KAZN: variants seen among roughly 807,000 people sequenced by gnomAD.
KAZN encodes the protein kazrin.
In KAZN, 40 loss-of-function variants were observed where a neutral mutation model predicts 87.4. The ratio of observed to expected loss-of-function variants is 0.46; its 90% CI spans 0.36 to 0.60. The LOEUF (loss-of-function observed/expected upper bound fraction) is 0.60, where lower values mean the gene tolerates loss of function less well. Ranked by LOEUF, KAZN falls within the 20% of genes least tolerant of loss-of-function variation. The pLI, the probability that KAZN is intolerant of heterozygous loss-of-function variation, is 0.00. For missense variants in KAZN, 898 were observed against 1,073.9 expected (o/e 0.84, Z 2.29); for synonymous variants, 466 against 458.3 (o/e 1.02, Z -0.22).
At chr1:14,811,601 T>C (rs951992289) in intron 1 of KAZN, among the ~76,000 whole-genome samples, 2 of 152,246 alleles carry the variant, frequency 1.3e-5, no homozygotes, top group African/African-American at 4.8e-5. Flanking sequence ...ATTTACTCTC[T>C]TACAACCTTC....
At chr1:14,853,696 G>A (rs915116760) in intron 1 of KAZN, among the ~76,000 whole-genome samples, 3 of 152,182 alleles carry the variant, frequency 2.0e-5, no homozygotes, top group Non-Finnish European at 4.4e-5. Context: ...CTCCAGCTGT[G>A]TCTCTTGGCC....
intron 2 of KAZN, among the ~76,000 whole-genome samples, chr1:14,354,286 A>ATC (rs1030045162): frequency 2.0e-5 from 3 of 152,320 alleles, no homozygotes; most frequent in African/African-American, 7.2e-5. Flanking sequence ...TTCCTTAGAG[A>ATC]GGATGCAGAA....
chr1:14,604,548 G>A (rs753362246), intron 1 of KAZN, among the ~76,000 whole-genome samples: 3 of 152,188 alleles, frequency 2.0e-5, no homozygotes, highest in African/African-American at 2.4e-5. Context: ...TGGTGGAGGC[G>A]AGGTTGTGCT....
chr1:14,447,384 G>A (rs1211677707), intron 2 of KAZN, among the ~76,000 whole-genome samples: 7 of 151,550 alleles, frequency 4.6e-5, no homozygotes, highest in South Asian at 4.2e-4. Context: ...GACTACAGGC[G>A]CCTGCCACCA....
chr1:13,893,403 C>T (rs1638912304), exon 1 of KAZN: 1 of 388,536 alleles, frequency 2.6e-6, no homozygotes, highest in Non-Finnish European at 4.4e-6. Context: ...TTAGATTTTT[C>T]TTTTGCATGG....
intron 2 of KAZN, among the ~76,000 whole-genome samples, chr1:14,247,024 T>C (rs1452648186): frequency 6.6e-6 from 1 of 152,190 alleles, no homozygotes; most frequent in Non-Finnish European, 1.5e-5. Flanking sequence ...TCCAATTTTG[T>C]TCACATCCTT....
intron 1 of KAZN, among the ~76,000 whole-genome samples, chr1:14,129,018 C>T (rs1238762777): frequency 6.6e-6 from 1 of 152,158 alleles, no homozygotes; most frequent in Non-Finnish European, 1.5e-5. Flanking sequence ...TGCATTTGTT[C>T]TCTAATTATT....
chr1:15,098,913 C>T (rs1483129272), intron 10 of KAZN, among the ~76,000 whole-genome samples: 1 of 152,244 alleles, frequency 6.6e-6, no homozygotes, highest in Non-Finnish European at 1.5e-5. Context: ...AGCCACACCC[C>T]ACCCTGCCCC....
intron 1 of KAZN, among the ~76,000 whole-genome samples, chr1:14,879,574 T>G (rs1266776909): frequency 6.6e-6 from 1 of 152,190 alleles, no homozygotes; most frequent in Non-Finnish European, 1.5e-5. Flanking sequence ...TGTTTGGCTC[T>G]GATTTCAGGA....
chr1:14,030,171 T>C (rs1022260554), intron 1 of KAZN, among the ~76,000 whole-genome samples: 4 of 149,542 alleles, frequency 2.7e-5, no homozygotes, highest in African/African-American at 4.9e-5. Context: ...TTTGTAGTTC[T>C]CCTTGAAGAG....
At chr1:14,672,376 T>C (rs6701296) in intron 1 of KAZN, among the ~76,000 whole-genome samples, 72,244 of 152,042 alleles carry the variant, frequency 0.48, 17,356 homozygotes, top group South Asian at 0.58. Flanking sequence ...GTGGACAGGT[T>C]GTTGTTGCAT....
At chr1:14,765,472 C>A (rs955683021) in intron 1 of KAZN, among the ~76,000 whole-genome samples, 1 of 152,182 alleles carries the variant, frequency 6.6e-6, no homozygotes, top group African/African-American at 2.4e-5. Context: ...AGAACTTGCC[C>A]CTCAGAGGTG....
chr1:14,555,175 CA>C (rs1673786694), intron 2 of KAZN, among the ~76,000 whole-genome samples: 2 of 152,184 alleles, frequency 1.3e-5, no homozygotes, highest in Non-Finnish European at 2.9e-5. Flanking sequence ...AGTGGGGACA[CA>C]GAGCTTGCAT....
At chr1:13,915,214 G>T (rs1187868350) in intron 1 of KAZN, among the ~76,000 whole-genome samples, 1 of 152,278 alleles carries the variant, frequency 6.6e-6, no homozygotes, top group Admixed American at 6.5e-5. Flanking sequence ...AGCAGGGAGG[G>T]TTTTCTTATG....
In KAZN at chr1:15,065,680, G is replaced by A. The variant is rs754099228; in HGVS notation, c.1149G>A (p.Met383Ile). Residue 383 changes from methionine (M) to isoleucine (I), a missense_variant, in exon 8 of 15, where the codon ATG becomes ATA. By Grantham distance (10) the Met-to-Ile change is conservative. Around this residue, in one of 3 missense-constraint regions of KAZN, gnomAD observed 521 missense variants for 689.4 expected, o/e 0.76. Coordinates refer to ENST00000376030, the MANE Select transcript of KAZN (RefSeq NM_201628.3). ...AACGGAAAAAGAAGAAAGAGAAGAT[G>A]GGATTCGGCTCCATCTCCCGCGTCT... is the stretch of plus-strand genomic sequence containing the variant. ...DQKRKKKKEK[M>I]GFGSISRVFA... 1.2e-6 allele frequency: 2 copies of A among 1,614,194 alleles called. No homozygotes were observed. Among genetic ancestry groups the A allele is most frequent in the South Asian group, 1.1e-5 (1 of 91,090 alleles).
At chr1:14,091,130 A>AAAAGACT (rs1184694875) in intron 1 of KAZN, among the ~76,000 whole-genome samples, 5 of 150,460 alleles carry the variant, frequency 3.3e-5, no homozygotes, top group African/African-American at 1.2e-4. Context: ...AAAAAAAAAA[A>AAAAGACT]AAAGACTAGA....
At chr1:15,059,759 GGT>G (rs1278885734) in intron 5 of KAZN, among the ~76,000 whole-genome samples, 8 of 152,218 alleles carry the variant, frequency 5.3e-5, no homozygotes, top group Non-Finnish European at 4.4e-5. Context: ...GGAATGTCCA[GGT>G]GGTGGGAGCA....
intron 2 of KAZN, among the ~76,000 whole-genome samples, chr1:14,267,360 A>C (rs1372894031): frequency 4.6e-5 from 5 of 109,310 alleles, no homozygotes. Context: ...GCCGATAAGC[A>C]AAAAAAAAAA....
chr1:13,958,792 G>A (rs1354888944), intron 1 of KAZN, among the ~76,000 whole-genome samples: 1 of 152,070 alleles, frequency 6.6e-6, no homozygotes, highest in Admixed American at 6.5e-5. Flanking sequence ...GTAGATTTCA[G>A]AACAGAGAGG....
Sources: gnomAD v4.1 joint callset for allele counts (sites outside exome capture counted in the v4.1 genomes callset) on GRCh38, gnomAD v4.1.1 for gene constraint, gnomAD v4.1.1 regional missense constraint, MANE v1.5 for transcripts, NCBI Gene and HGNC (gene_info 2026-07-23, HGNC 2026-07-21) for gene names.